The following EYS variants were observed in gnomAD, a reference collection of about 807,000 sequenced individuals.
EYS encodes protein eyes shut homolog.
Under a neutral mutation model 282.1 loss-of-function variants are expected in EYS, and 250 were observed. The observed-to-expected ratio is 0.89, with a 90% CI of 0.80 to 0.98. The LOEUF is 0.98. EYS is among the 50% of genes least tolerant of loss of function. EYS has a pLI of 0.00. For missense variants in EYS, 4,016 were observed against 3,709.0 expected, an observed-to-expected ratio of 1.08 and a Z score of -2.15; for synonymous variants, 1,355 against 1,282.9, an observed-to-expected ratio of 1.06 and a Z score of -1.20.
intron 12 of EYS, among the ~76,000 whole-genome samples, chr6:65,060,466 A>C (rs1460482018): frequency 6.6e-6 from 1 of 151,912 alleles, no homozygotes; most frequent in Admixed American, 6.6e-5. Context: ...GGATGATGTA[A>C]AAAACTCACA....
At chr6:65,274,435 T>TGTA (rs1767987647) in intron 12 of EYS, among the ~76,000 whole-genome samples, 1 of 152,204 alleles carries the variant, frequency 6.6e-6, no homozygotes, top group African/African-American at 2.4e-5. Flanking sequence ...CTGTACAAGA[T>TGTA]GTAGCTTTAT....
intron 29 of EYS, among the ~76,000 whole-genome samples, chr6:64,372,494 G>A (rs1772416545): frequency 6.6e-6 from 1 of 151,916 alleles, no homozygotes; most frequent in Admixed American, 6.6e-5. Flanking sequence ...CTCCACATTG[G>A]AGAATCTGAT....
At chr6:63,905,487 G>A (rs1455590321) in intron 35 of EYS, among the ~76,000 whole-genome samples, 1 of 151,694 alleles carries the variant, frequency 6.6e-6, no homozygotes, top group Admixed American at 6.6e-5. Flanking sequence ...CCGCCACCAC[G>A]CCCGGCTAAT....
chr6:65,549,666 T>A (rs748869836), intron 2 of EYS, among the ~76,000 whole-genome samples: 2 of 152,344 alleles, frequency 1.3e-5, no homozygotes, highest in African/African-American at 2.4e-5. Flanking sequence ...CTTAAAACAT[T>A]CATTTTTGAA....
intron 2 of EYS, among the ~76,000 whole-genome samples, chr6:65,601,821 G>C (rs781724721): frequency 1.3e-5 from 2 of 151,750 alleles, no homozygotes; most frequent in African/African-American, 2.4e-5. Context: ...TAATAGTGTG[G>C]GAAATAGTGG....
At chr6:65,572,151 GA>G (rs1449932388) in intron 2 of EYS, among the ~76,000 whole-genome samples, 2 of 151,932 alleles carry the variant, frequency 1.3e-5, no homozygotes, top group Non-Finnish European at 2.9e-5. Context: ...TTTAATTATT[GA>G]ATAAATATGA....
intron 2 of EYS, among the ~76,000 whole-genome samples, chr6:65,540,823 T>C (rs1455823330): frequency 7.9e-5 from 12 of 151,986 alleles, no homozygotes; most frequent in Non-Finnish European, 1.6e-4. Context: ...CCAGGGAGGC[T>C]GAGGCAGGAG....
intron 12 of EYS, among the ~76,000 whole-genome samples, chr6:65,157,156 T>C (rs2150219073): frequency 6.6e-6 from 1 of 151,120 alleles, no homozygotes; most frequent in South Asian, 2.1e-4. Context: ...CCTATTCTAT[T>C]GAAATATTTT....
chr6:64,737,384 T>C (rs1772218467), intron 22 of EYS, among the ~76,000 whole-genome samples: 2 of 152,208 alleles, frequency 1.3e-5, no homozygotes, highest in African/African-American at 4.8e-5. Flanking sequence ...TAACGGTCCA[T>C]TTTAAACCAA....
chr6:64,024,536 G>C (rs1769381405), intron 33 of EYS, among the ~76,000 whole-genome samples: 1 of 152,110 alleles, frequency 6.6e-6, no homozygotes, highest in Non-Finnish European at 1.5e-5. Flanking sequence ...GTGGCAACCT[G>C]TTTGGGTCCC....
intron 35 of EYS, among the ~76,000 whole-genome samples, chr6:63,970,683 A>G (rs999449179): frequency 3.3e-5 from 5 of 151,868 alleles, no homozygotes; most frequent in African/African-American, 1.2e-4. Flanking sequence ...TTGCTGACAG[A>G]GAAGTGATGT....
chr6:64,410,353 T>C (rs1746116530), intron 28 of EYS, among the ~76,000 whole-genome samples: 1 of 152,154 alleles, frequency 6.6e-6, no homozygotes, highest in Admixed American at 6.6e-5. Flanking sequence ...TGATTTTTAT[T>C]ATACCTAGTT....
chr6:65,381,071 A>T (rs1444892947), intron 8 of EYS, among the ~76,000 whole-genome samples: 2 of 152,130 alleles, frequency 1.3e-5, no homozygotes, highest in East Asian at 1.9e-4. Flanking sequence ...TTCCTCAAGG[A>T]TATAGAACTA....
At chr6:65,228,521 T>C (rs963213102) in intron 12 of EYS, among the ~76,000 whole-genome samples, 1 of 152,030 alleles carries the variant, frequency 6.6e-6, no homozygotes, top group African/African-American at 2.4e-5. Context: ...TTTACACTAT[T>C]GGCTTTTCTC....
intron 33 of EYS, among the ~76,000 whole-genome samples, chr6:64,034,940 T>C (rs2149832926): frequency 6.6e-6 from 1 of 152,342 alleles, no homozygotes; most frequent in African/African-American, 2.4e-5. Context: ...TTTTAAGGAA[T>C]AAGGCATCTG....
At chr6:65,019,925 A>G (rs938763341) in intron 13 of EYS, among the ~76,000 whole-genome samples, 2 of 152,138 alleles carry the variant, frequency 1.3e-5, no homozygotes, top group African/African-American at 4.8e-5. Flanking sequence ...GCCGAGCAAA[A>G]TGGGGAAAAG....
chr6:63,824,051 A>G (rs780884702), intron 36 of EYS, among the ~76,000 whole-genome samples: 1 of 152,236 alleles, frequency 6.6e-6, no homozygotes, highest in South Asian at 2.1e-4. Context: ...TATGCATCTT[A>G]CAAGTGACAG....
At chr6:65,086,144 C>T (rs984366054) in intron 12 of EYS, among the ~76,000 whole-genome samples, 8 of 151,570 alleles carry the variant, frequency 5.3e-5, no homozygotes, top group Non-Finnish European at 7.4e-5. Flanking sequence ...GGTGAAACCC[C>T]GTATCTACTA....
chr6:64,131,455 A>G (rs1480757951), intron 31 of EYS, among the ~76,000 whole-genome samples: 1 of 152,202 alleles, frequency 6.6e-6, no homozygotes, highest in Non-Finnish European at 1.5e-5. Context: ...GTTGTCATGT[A>G]GAGTCTATGC....
Sources: gnomAD v4.1 joint callset for allele counts (sites outside exome capture counted in the v4.1 genomes callset) on GRCh38, gnomAD v4.1.1 for gene constraint, MANE v1.5 for transcripts, NCBI Gene and HGNC (gene_info 2026-07-23, HGNC 2026-07-21) for gene names.